AGAP1: variants seen among roughly 807,000 people sequenced by gnomAD.
AGAP1 encodes ArfGAP with GTPase domain, ankyrin repeat and PH domain 1.
AGAP1 carries 29 observed loss-of-function variants against 105.3 expected under a neutral mutation model. The observed-to-expected ratio is 0.28, with a 90% CI of 0.21 to 0.38. The LOEUF (loss-of-function observed/expected upper bound fraction) is 0.38, where lower values mean the gene tolerates loss of function less well. Ranked by LOEUF, AGAP1 falls within the 10% of genes least tolerant of loss-of-function variation. The pLI, the probability that AGAP1 is intolerant of heterozygous loss-of-function variation, is 1.00. For synonymous variants in AGAP1, 509 were observed against 485.9 expected (o/e 1.05, Z -0.63); for missense variants, 998 against 1,165.1 (o/e 0.86, Z 2.09).
At position 236,077,044 on chromosome 2, in the gene AGAP1, A is replaced by C. The variant is rs181805634; in HGVS notation, c.2114+27763A>C. On this transcript the variant is annotated intron_variant, in intron 16 of 17. Transcript: ENST00000304032. ...AGGATCGCTTGAGTCTGGGAGGAGG[A>C]GGTTGCAGTAAGCTATGATTGTGCC... is the stretch of plus-strand genomic sequence containing the variant. 5.3e-3 allele frequency among the ~76,000 whole-genome samples: 788 copies of C among 149,646 alleles called. 4 individuals are homozygous for C. Among genetic ancestry groups the C allele is most frequent in the African/African-American group, 0.019 (766 of 40,780 alleles).
chr2:235,938,076 T>G (rs536851384), intron 12 of AGAP1, among the ~76,000 whole-genome samples: 1 of 152,362 alleles, frequency 6.6e-6, no homozygotes, highest in South Asian at 2.1e-4. Flanking sequence ...ACACAGCTTC[T>G]CAGAGCATCC....
At chr2:236,024,545 C>G (rs1299182978) in intron 13 of AGAP1, among the ~76,000 whole-genome samples, 2 of 152,180 alleles carry the variant, frequency 1.3e-5, no homozygotes, top group Non-Finnish European at 2.9e-5. Flanking sequence ...AAAGCAACTT[C>G]CAAATGTGAA....
Position 235,908,695 on chromosome 2 carries a change from T to C in AGAP1, c.1156-43T>C. ...TTTGTTCTAGGTTGTAAAAGGTCTT[T>C]TTTTTTTTTTTATCTCTCTTGGATG... On this transcript the variant is annotated intron_variant, in intron 10 of 17. Transcript: ENST00000304032. The surrounding 1 kb of genome is among the most constrained non-coding windows in gnomAD (Gnocchi z 4.4). 2 of 1,304,260 alleles carry C rather than the reference T, an allele frequency of 1.5e-6. No homozygotes were observed. The highest frequency in any genetic ancestry group is 5.9e-5 in the East Asian group (2 of 33,986). 80.8% of individuals were successfully genotyped at this position (1,304,260 alleles called of 1,614,324 possible).
chr2:235,831,489 G>A lies in AGAP1; in HGVS notation c.1050+24158G>A, dbSNP rs13430523. ...GGTCCACCTCTTCATTTCCCCCACC[G>A]CCTGAAATCACAGATCTTTTTACTG... On this transcript the variant is annotated intron_variant, in intron 9 of 17. Transcript: ENST00000304032. 2.5e-3 allele frequency among the ~76,000 whole-genome samples: 385 copies of A among 152,232 alleles called. 1 individual carries two copies. The highest frequency in any genetic ancestry group is 9.0e-3 in the African/African-American group (373 of 41,524).
chr2:235,775,588 G>A (rs1458440270), intron 6 of AGAP1: 2 of 151,818 alleles, frequency 1.3e-5, no homozygotes, highest in Non-Finnish European at 2.9e-5. Flanking sequence ...AATAATTCAC[G>A]GCCACTGAGA....
Position 235,877,972 on chromosome 2 carries a change from C to G in AGAP1, c.1051-5373C>G, listed in dbSNP as rs908983881. On this transcript the variant is annotated intron_variant, in intron 9 of 17. Coordinates refer to ENST00000304032, the MANE Select transcript of AGAP1 (RefSeq NM_001037131.3). This position sits in a 1 kb window ranked among gnomAD's most constrained non-coding sequence, Gnocchi z 4.3. ...CCACCCTGCACACCTATGGCAGGGC[C>G]CAGACATTCAGGCACCTCCAGGGCC... 4.6e-5 allele frequency among the ~76,000 whole-genome samples: 7 copies of G among 152,218 alleles called. No individual in the cohort carries two copies. Among genetic ancestry groups the G allele is most frequent in the Non-Finnish European group, 8.8e-5 (6 of 68,030 alleles).
chr2:236,099,006 A>G (rs529545330), intron 16 of AGAP1, among the ~76,000 whole-genome samples: 243 of 152,102 alleles, frequency 1.6e-3, no homozygotes, highest in Non-Finnish European at 2.6e-3. Flanking sequence ...TAGAGGAAGG[A>G]GGCTAGTCCT....
At position 235,559,896 on chromosome 2, in the gene AGAP1, T is replaced by C. The variant is rs535470238; in HGVS notation, c.163+65047T>C. On this transcript the variant is annotated intron_variant, in intron 1 of 17. Coordinates refer to ENST00000304032, the MANE Select transcript of AGAP1 (RefSeq NM_001037131.3). This position sits in a 1 kb window ranked among gnomAD's most constrained non-coding sequence, Gnocchi z 5.7. ...ATGGATTCTGGATACTAGACACTTATTAGATATATGATTTGCAAATATATT... is the reference window on the plus strand; with the variant it reads ...ATGGATTCTGGATACTAGACACTTACTAGATATATGATTTGCAAATATATT... Among the ~76,000 whole-genome samples, 1 of 152,202 alleles carries C rather than the reference T, an allele frequency of 6.6e-6. No homozygotes were observed. The highest frequency in any genetic ancestry group is 1.5e-5 in the Non-Finnish European group (1 of 68,036).
At position 235,690,926 on chromosome 2, in the gene AGAP1, G is replaced by T. The variant is rs1033772940; in HGVS notation, c.164-18253G>T. On this transcript the variant is annotated intron_variant, in intron 1 of 17. Transcript: ENST00000304032. The surrounding 1 kb of genome is among the most constrained non-coding windows in gnomAD (Gnocchi z 4.1). ...ACTTCGGATCTGGCCTGAGGGTTTG[G>T]CAGGGATTCGTGGCTGCTATTTTAG... Among the ~76,000 whole-genome samples the T allele has an allele frequency of 5.9e-5, 9 of 152,146 alleles. No individual in the cohort carries two copies. The highest frequency in any genetic ancestry group is 2.6e-4 in the Admixed American group (4 of 15,278).
At chr2:235,848,385 A>G (rs1440256658) in intron 9 of AGAP1, among the ~76,000 whole-genome samples, 1 of 152,230 alleles carries the variant, frequency 6.6e-6, no homozygotes, top group Non-Finnish European at 1.5e-5. Context: ...AATAAGGAAC[A>G]AGGTCCTACT....
chr2:235,678,453 C>A (rs1467237608), intron 1 of AGAP1, among the ~76,000 whole-genome samples: 2 of 152,180 alleles, frequency 1.3e-5, no homozygotes, highest in Non-Finnish European at 2.9e-5. Context: ...TAATTTCTCA[C>A]AAGCATAGCC....
At chr2:235,849,562 G>T in intron 9 of AGAP1, among the ~76,000 whole-genome samples, 1 of 152,170 alleles carries the variant, frequency 6.6e-6, no homozygotes, top group Non-Finnish European at 1.5e-5. Flanking sequence ...GGTTTCTGGA[G>T]TGAGCAGAAG....
chr2:235,624,026 C>A (rs185310968), intron 1 of AGAP1, among the ~76,000 whole-genome samples: 1 of 152,332 alleles, frequency 6.6e-6, no homozygotes, highest in East Asian at 1.9e-4. Flanking sequence ...GGCCAACCTG[C>A]TCCCAGGCTG....
At position 236,125,775 on chromosome 2, in the gene AGAP1, G is replaced by T. The variant is rs571776373; in HGVS notation, c.*1653G>T. 6.6e-6 allele frequency: 1 copy of T among 152,312 alleles called. No individual in the cohort carries two copies. The highest frequency in any genetic ancestry group is 6.5e-5 in the Admixed American group (1 of 15,306). 9.4% of individuals were successfully genotyped at this position (152,312 alleles called of 1,614,324 possible). ...CGGTATCCAGCCGCTTCAGACGTCC[G>T]CCGCCTTCAGTGGTGGTAGTCAAAT... On this transcript the variant is annotated 3_prime_UTR_variant, in exon 18 of 18. Coordinates refer to ENST00000304032, the MANE Select transcript of AGAP1 (RefSeq NM_001037131.3). This position sits in a 1 kb window ranked among gnomAD's most constrained non-coding sequence, Gnocchi z 5.2.
intron 1 of AGAP1, among the ~76,000 whole-genome samples, chr2:235,678,116 T>C (rs79048278): frequency 0.013 from 2,039 of 152,204 alleles, 41 homozygotes; most frequent in African/African-American, 0.046. Context: ...CTTTTGCTCC[T>C]CTGGTGCCAA....
At chr2:235,771,124 G>A (rs767456603) in intron 6 of AGAP1, among the ~76,000 whole-genome samples, 6 of 152,172 alleles carry the variant, frequency 3.9e-5, no homozygotes, top group Non-Finnish European at 8.8e-5. Flanking sequence ...CTCTGGGTCC[G>A]GCATGGCCCC....
Position 236,062,749 on chromosome 2 carries a change from C to A in AGAP1, c.2114+13468C>A, listed in dbSNP as rs1559238423. Among the ~76,000 whole-genome samples the A allele has an allele frequency of 6.6e-6, 1 of 152,160 alleles. No homozygotes were observed. The highest frequency in any genetic ancestry group is 1.5e-5 in the Non-Finnish European group (1 of 68,022). On this transcript the variant is annotated intron_variant, in intron 16 of 17. Coordinates refer to ENST00000304032, the MANE Select transcript of AGAP1 (RefSeq NM_001037131.3). This position sits in a 1 kb window ranked among gnomAD's most constrained non-coding sequence, Gnocchi z 4.2. Reference sequence around the variant, plus strand: ...CAATCTTGGCTCACTGCAACCTCCACCTCCTGGGTTCAAGCAAATTCTCTG... The same window carrying A: ...CAATCTTGGCTCACTGCAACCTCCAACTCCTGGGTTCAAGCAAATTCTCTG...
intron 13 of AGAP1, among the ~76,000 whole-genome samples, chr2:236,024,033 T>C (rs1036772048): frequency 9.1e-6 from 1 of 109,698 alleles, no homozygotes; most frequent in African/African-American, 3.9e-5. Context: ...TTTTTTTTTT[T>C]GTTTTTTTTT....
intron 4 of AGAP1, among the ~76,000 whole-genome samples, chr2:235,743,844 G>A (rs1218106159): frequency 6.6e-6 from 1 of 152,212 alleles, no homozygotes; most frequent in African/African-American, 2.4e-5. Flanking sequence ...AGATAGAGCT[G>A]ATGTCAGATG....
Sources: gnomAD v4.1 joint callset for allele counts (sites outside exome capture counted in the v4.1 genomes callset) on GRCh38, gnomAD v4.1.1 for gene constraint, Gnocchi (gnomAD v3.1) non-coding constraint, MANE v1.5 for transcripts, NCBI Gene and HGNC (gene_info 2026-07-23, HGNC 2026-07-21) for gene names.